CHFR: variants seen among roughly 807,000 people sequenced by gnomAD.
CHFR encodes the protein checkpoint with forkhead and ring finger domains.
Under a neutral mutation model 87.6 loss-of-function variants are expected in CHFR, and 57 were observed. That is an observed-to-expected ratio of 0.65 (90% CI 0.53 to 0.81). CHFR has a LOEUF of 0.81. Ranked by LOEUF, CHFR falls within the 30% of genes least tolerant of loss-of-function variation. The pLI is 0.00. For missense variants in CHFR, 797 were observed against 865.8 expected, an observed-to-expected ratio of 0.92 and a Z score of 1.00; for synonymous variants, 381 against 359.2, an observed-to-expected ratio of 1.06 and a Z score of -0.69.
Position 132,865,651 on chromosome 12 carries a change from G to GT in CHFR, c.583+3967dup, listed in dbSNP as rs1241641864. ...GCTTCCCAAAGTGCTGGGATTACAGGTCTTTTTTTTTTTTTTTTTTTTTTT... is the reference window on the plus strand; with the variant it reads ...GCTTCCCAAAGTGCTGGGATTACAGGTTCTTTTTTTTTTTTTTTTTTTTTTT... On this transcript the variant is annotated intron_variant, in intron 6 of 17. Transcript: ENST00000450056. 1.3e-3 allele frequency among the ~76,000 whole-genome samples: 167 copies of GT among 127,046 alleles called. 3 individuals carry two copies. Among genetic ancestry groups the GT allele is most frequent in the East Asian group, 5.2e-3 (19 of 3,684 alleles). 83.3% of individuals were successfully genotyped at this position (127,046 alleles called of 152,430 possible). A position where few individuals can be genotyped will look rare whatever the true frequency, so the allele number is the denominator to read the frequency against.
rs1291046887 is a variant in CHFR at position 132,887,230 on chromosome 12, C to G, written c.99G>C (p.Leu33=). 6.6e-7 allele frequency: 1 copy of G among 1,504,072 alleles called. No individual in the cohort carries two copies. Among genetic ancestry groups the G allele is most frequent in the Non-Finnish European group, 8.8e-7 (1 of 1,133,182 alleles). 93.2% of individuals were successfully genotyped at this position (1,504,072 alleles called of 1,614,324 possible). A position where few individuals can be genotyped will look rare whatever the true frequency, so the allele number is the denominator to read the frequency against. Residue 33 remains leucine (L), a synonymous_variant, in exon 2 of 18, where the codon CTG becomes CTC. Coordinates refer to ENST00000450056, the MANE Select transcript of CHFR (RefSeq NM_001161346.2). ...GAEEGEPHVL[L]RKREWTIGRR... is the part of the protein sequence containing the mutation. ...GCCCGATGGTCCACTCCCGCTTCCTCAGGAGGACGTGCGGCTCGCCCTCCT... is the reference window on the plus strand; with the variant it reads ...GCCCGATGGTCCACTCCCGCTTCCTGAGGAGGACGTGCGGCTCGCCCTCCT...
intron 6 of CHFR, chr12:132,862,324 G>A: frequency 3.1e-6 from 1 of 321,008 alleles, no homozygotes; most frequent in Non-Finnish European, 6.1e-6. Flanking sequence ...CTGGGCATGG[G>A]GCTCACACCT....
chr12:132,848,007 A>G (rs1950863536), intron 14 of CHFR, 78 bp downstream of exon 14: 12 of 1,607,700 alleles, frequency 7.5e-6, no homozygotes, highest in South Asian at 4.4e-5. Context: ...ATAAACACCA[A>G]TAGAATGCAG....
chr12:132,876,492 GTC>G (rs1178516409), intron 3 of CHFR, among the ~76,000 whole-genome samples: 2 of 152,158 alleles, frequency 1.3e-5, no homozygotes, highest in Non-Finnish European at 2.9e-5. Flanking sequence ...AATCTAAACA[GTC>G]TAGTTTCAAT....
rs375426809 is a variant in CHFR at position 132,879,388 on chromosome 12, T to C, written c.134-1734A>G. 2.7e-5 allele frequency among the ~76,000 whole-genome samples: 4 copies of C among 150,878 alleles called. No individual in the cohort carries two copies. In the East Asian group the frequency reaches 7.8e-4, roughly 29 times the overall value. On this transcript the variant is annotated intron_variant, in intron 2 of 17. Transcript: ENST00000450056. ...CAGTAATTCTGACACTTTGGGATTT[T>C]TTTTTTCTTTTTTTTTTTTTGAGAC...
At chr12:132,857,679 T>A in intron 8 of CHFR, 120 bp from the exon 9 acceptor site, 4 of 909,092 alleles carry the variant, frequency 4.4e-6, no homozygotes, top group Non-Finnish European at 6.6e-6. Context: ...TCGTTCAACC[T>A]AAAAACCCTT....
intron 11 of CHFR, among the ~76,000 whole-genome samples, chr12:132,852,920 A>G (rs945518106): frequency 3.3e-5 from 5 of 151,900 alleles, no homozygotes; most frequent in African/African-American, 1.2e-4. Flanking sequence ...AAGCCTCCAT[A>G]CCCCCTGCCC....
At chr12:132,846,968 T>C (rs1950843899) in intron 15 of CHFR, 75 bp downstream of exon 15, 1 of 1,051,436 alleles carries the variant, frequency 9.5e-7, no homozygotes, top group Admixed American at 1.8e-5. Flanking sequence ...GAGTTGTCAC[T>C]GGGAGAGCAG....
At chr12:132,856,819 G>C in intron 9 of CHFR, 189 bp from the exon 10 acceptor site, 1 of 696,612 alleles carries the variant, frequency 1.4e-6, no homozygotes. Context: ...ATGCCCTCAC[G>C]TGCCCGGGTG....
At chr12:132,846,593 C>T (rs1360856166) in intron 15 of CHFR, among the ~76,000 whole-genome samples, 1 of 151,744 alleles carries the variant, frequency 6.6e-6, no homozygotes, top group Non-Finnish European at 1.5e-5. Flanking sequence ...CAAAAAACAA[C>T]CTGAAGGCCG....
Position 132,841,404 on chromosome 12 carries a change from C to G in CHFR, c.*150G>C. The stretch of plus-strand genomic sequence containing the variant: ...GGGTCTCACTCAGAGGGTAAAGCTC[C>G]ACAGAAGAGTCACCCCAGAGCACCT... On this transcript the variant is annotated 3_prime_UTR_variant, in exon 18 of 18. Transcript: ENST00000450056. 1 of 693,350 alleles carries G rather than the reference C, an allele frequency of 1.4e-6. No homozygotes were observed. The highest frequency in any genetic ancestry group is 1.7e-5 in the South Asian group (1 of 58,218). The allele number at this position is 693,350 out of a possible 1,614,324, so 42.9% of individuals were successfully genotyped here.
chr12:132,872,258 A>C (rs1323117836), intron 4 of CHFR, 27 bp downstream of exon 4: 1 of 1,507,546 alleles, frequency 6.6e-7, no homozygotes, highest in Non-Finnish European at 9.2e-7. Context: ...TGCGGGTCTG[A>C]CCCCGGCAAG....
At chr12:132,859,444 G>A (rs112009161) in intron 7 of CHFR, among the ~76,000 whole-genome samples, 2 of 151,768 alleles carry the variant, frequency 1.3e-5, no homozygotes, top group Admixed American at 6.6e-5. Flanking sequence ...TCCGCCTCCC[G>A]GGTTCATGCC....
intron 13 of CHFR, 94 bp from the exon 14 acceptor site, chr12:132,848,249 T>C: frequency 6.3e-7 from 1 of 1,578,980 alleles, no homozygotes; most frequent in South Asian, 1.1e-5. Flanking sequence ...TTTCTTTTCA[T>C]TACAGATTCT....
chr12:132,877,465 C>T (rs1218114060), intron 3 of CHFR, 90 bp downstream of exon 3: 6 of 747,028 alleles, frequency 8.0e-6, no homozygotes, highest in African/African-American at 3.6e-5. Flanking sequence ...ATTTCTTCTC[C>T]TCCTCAGCCG....
intron 16 of CHFR, among the ~76,000 whole-genome samples, chr12:132,843,357 G>C (rs967957199): frequency 1.3e-5 from 2 of 151,658 alleles, no homozygotes; most frequent in African/African-American, 4.8e-5. Flanking sequence ...ACCTGGGAGA[G>C]GGAAGTTGCA....
chr12:132,883,632 C>T (rs1165416560), intron 2 of CHFR, among the ~76,000 whole-genome samples: 1 of 151,028 alleles, frequency 6.6e-6, no homozygotes, highest in Non-Finnish European at 1.5e-5. Context: ...GAGGTTGAGG[C>T]AGGAGAATGG....
intron 6 of CHFR, among the ~76,000 whole-genome samples, chr12:132,865,651 G>GTTTTTTTTTTT (rs1241641864): frequency 7.9e-6 from 1 of 127,018 alleles, no homozygotes. Flanking sequence ...GGGATTACAG[G>GTTTTTTTTTTT]TCTTTTTTTT....
intron 6 of CHFR, chr12:132,866,537 G>T (rs529039039): frequency 6.7e-6 from 1 of 150,266 alleles, no homozygotes; most frequent in African/African-American, 2.5e-5. Context: ...ACAACACACC[G>T]GATGTTACAA....
Sources: gnomAD v4.1 joint callset for allele counts (sites outside exome capture counted in the v4.1 genomes callset) on GRCh38, gnomAD v4.1.1 for gene constraint, MANE v1.5 for transcripts, NCBI Gene and HGNC (gene_info 2026-07-23, HGNC 2026-07-21) for gene names.